Variants in SEMA3A observed in about 807,000 individuals in gnomAD.
SEMA3A encodes the protein semaphorin-3A.
A neutral mutation model predicts 97.9 loss-of-function variants in SEMA3A; 29 were observed. The ratio of observed to expected loss-of-function variants is 0.30; its 90% CI spans 0.22 to 0.40. SEMA3A has a LOEUF of 0.40. Ranked by LOEUF, SEMA3A falls within the 10% of genes least tolerant of loss-of-function variation. The pLI, the probability that SEMA3A is intolerant of heterozygous loss-of-function variation, is 1.00. For synonymous variants in SEMA3A, 321 were observed against 323.7 expected, an observed-to-expected ratio of 0.99 and a Z score of 0.09; for missense variants, 763 against 951.3, an observed-to-expected ratio of 0.80 and a Z score of 2.60.
At chr7:84,023,989 G>T (rs1407981514) in intron 6 of SEMA3A, among the ~76,000 whole-genome samples, 2 of 145,682 alleles carry the variant, frequency 1.4e-5, no homozygotes, top group Non-Finnish European at 3.0e-5. Context: ...TCTAGCCTGG[G>T]CAACGGAGCG....
chr7:84,366,370 C>T lies in SEMA3A; in HGVS notation c.-169+5454G>A, dbSNP rs371235647. Reference sequence around the variant, plus strand: ...TAAAGGTGACAGTATAATGGAGAAACTTAAGCATCAAACAAATAATTACAA... The same window carrying T: ...TAAAGGTGACAGTATAATGGAGAAATTTAAGCATCAAACAAATAATTACAA... On this transcript the variant is annotated intron_variant, in intron 2 of 3. Transcript: ENST00000424555. 4.9e-4 allele frequency among the ~76,000 whole-genome samples: 74 copies of T among 151,378 alleles called. 2 individuals carry two copies. Among genetic ancestry groups the T allele is most frequent in the African/African-American group, 1.6e-3 (67 of 41,440 alleles).
intron 1 of SEMA3A, among the ~76,000 whole-genome samples, chr7:84,181,336 AT>A (rs1462037951): frequency 4.6e-4 from 69 of 148,880 alleles, no homozygotes; most frequent in African/African-American, 1.5e-3. Flanking sequence ...ATATATATAT[AT>A]ATAACACACA....
intron 3 of SEMA3A, among the ~76,000 whole-genome samples, chr7:84,201,785 A>G (rs2116298077): frequency 6.6e-6 from 1 of 152,232 alleles, no homozygotes; most frequent in Admixed American, 6.5e-5. Context: ...CTAACTTTGA[A>G]TCTTCTTAAA....
rs867297103 is a variant in SEMA3A at position 84,285,989 on chromosome 7, G to A, written c.-83+21218C>T. Among the ~76,000 whole-genome samples the A allele has an allele frequency of 2.5e-3, 309 of 122,174 alleles. 2 individuals carry two copies. Among genetic ancestry groups the A allele is most frequent in the African/African-American group, 0.011 (286 of 26,654 alleles). The allele number at this position is 122,174 out of a possible 152,430, so 80.2% of individuals were successfully genotyped here. ...CCATCTCAAAAAAAAAAAAAAAAAA[G>A]AAGAAGAAGAAAGAAATAAGAGATA... On this transcript the variant is annotated intron_variant, in intron 3 of 3. Transcript: ENST00000424555.
chr7:84,037,890 CT>C (rs1791997835), intron 6 of SEMA3A, among the ~76,000 whole-genome samples: 1 of 151,886 alleles, frequency 6.6e-6, no homozygotes, highest in Non-Finnish European at 1.5e-5. Flanking sequence ...ATTCTCTTGT[CT>C]AATTTCTTTA....
At chr7:84,218,425 G>A (rs1798800162) in intron 3 of SEMA3A, among the ~76,000 whole-genome samples, 1 of 151,992 alleles carries the variant, frequency 6.6e-6, no homozygotes, top group South Asian at 2.1e-4. Context: ...TCTGCATTCG[G>A]ATAGATTAAG....
At chr7:84,175,840 C>A (rs1797546278) in intron 1 of SEMA3A, among the ~76,000 whole-genome samples, 1 of 151,990 alleles carries the variant, frequency 6.6e-6, no homozygotes, top group Non-Finnish European at 1.5e-5. Context: ...GTACGTGAAT[C>A]CTAAATGTCT....
chr7:84,480,274 G>C (rs1806410906), intron 1 of SEMA3A, among the ~76,000 whole-genome samples: 1 of 152,080 alleles, frequency 6.6e-6, no homozygotes, highest in African/African-American at 2.4e-5. Context: ...ATTGGATTTT[G>C]ATTGCAGAAG....
At chr7:84,009,832 G>A (rs1328146825) in intron 9 of SEMA3A, among the ~76,000 whole-genome samples, 1 of 148,226 alleles carries the variant, frequency 6.7e-6, no homozygotes, top group African/African-American at 2.5e-5. Flanking sequence ...GAAGGAGCCC[G>A]TGGAGAAAGA....
intron 2 of SEMA3A, among the ~76,000 whole-genome samples, chr7:84,312,233 A>T (rs1202895282): frequency 1.3e-5 from 2 of 151,980 alleles, no homozygotes; most frequent in Non-Finnish European, 2.9e-5. Flanking sequence ...ATATACAAAT[A>T]GAAAATTAAC....
At chr7:83,978,175 G>T (rs1234776803) in intron 14 of SEMA3A, among the ~76,000 whole-genome samples, 2 of 152,070 alleles carry the variant, frequency 1.3e-5, no homozygotes, top group African/African-American at 2.4e-5. Context: ...ATTTACCTGT[G>T]AAGTGAATAA....
intron 1 of SEMA3A, among the ~76,000 whole-genome samples, chr7:84,168,758 T>A (rs1453803931): frequency 6.6e-6 from 1 of 151,902 alleles, no homozygotes; most frequent in African/African-American, 2.4e-5. Flanking sequence ...GAGAACTAAC[T>A]GACACCTCAC....
intron 1 of SEMA3A, among the ~76,000 whole-genome samples, chr7:84,453,601 C>A (rs1805618472): frequency 1.3e-5 from 2 of 152,110 alleles, no homozygotes; most frequent in Non-Finnish European, 2.9e-5. Flanking sequence ...ATGCTACTTT[C>A]TTCTGAGTAA....
At chr7:84,206,670 T>G (rs1798503068) in intron 3 of SEMA3A, among the ~76,000 whole-genome samples, 1 of 152,026 alleles carries the variant, frequency 6.6e-6, no homozygotes, top group East Asian at 1.9e-4. Context: ...TATTGATTGC[T>G]CTGATTGCTG....
intron 2 of SEMA3A, among the ~76,000 whole-genome samples, chr7:84,369,196 T>A (rs753049376): frequency 6.6e-6 from 1 of 151,088 alleles, no homozygotes; most frequent in Non-Finnish European, 1.5e-5. Context: ...TTTATGAATT[T>A]GGGATGTCTG....
chr7:84,336,223 G>A (rs890373364), intron 2 of SEMA3A, among the ~76,000 whole-genome samples: 2 of 152,062 alleles, frequency 1.3e-5, no homozygotes, highest in African/African-American at 4.8e-5. Flanking sequence ...TCAAAACAGA[G>A]GAGGTAATTA....
At position 84,294,079 on chromosome 7, in the gene SEMA3A, A is replaced by T. The variant is rs547688681; in HGVS notation, c.-83+13128T>A. On this transcript the variant is annotated intron_variant, in intron 3 of 3. Coordinates refer to the SEMA3A transcript ENST00000424555. Reference sequence around the variant, plus strand: ...CAATAATATGGATCAAAACCACAATACTTAACTTTTCCCCAGTGATGAACA... The same window carrying T: ...CAATAATATGGATCAAAACCACAATTCTTAACTTTTCCCCAGTGATGAACA... Among the ~76,000 whole-genome samples the T allele has an allele frequency of 1.2e-4, 19 of 152,166 alleles. No homozygotes were observed. In the South Asian group the frequency reaches 1.9e-3, roughly 15 times the overall value.
At chr7:84,270,573 T>C (rs894162438) in intron 3 of SEMA3A, among the ~76,000 whole-genome samples, 1 of 147,766 alleles carries the variant, frequency 6.8e-6, no homozygotes, top group Admixed American at 6.8e-5. Flanking sequence ...GAATAATTCA[T>C]ATTCATAAAT....
chr7:84,178,332 T>G (rs906208187), intron 1 of SEMA3A, among the ~76,000 whole-genome samples: 2 of 152,154 alleles, frequency 1.3e-5, no homozygotes, highest in Non-Finnish European at 2.9e-5. Flanking sequence ...TTTCTATCAA[T>G]GTATAATATT....
Sources: gnomAD v4.1 joint callset for allele counts (sites outside exome capture counted in the v4.1 genomes callset) on GRCh38, gnomAD v4.1.1 for gene constraint, MANE v1.5 for transcripts, NCBI Gene and HGNC (gene_info 2026-07-23, HGNC 2026-07-21) for gene names.